The following PDGFD variants were observed in gnomAD, a reference collection of about 807,000 sequenced individuals.
The protein encoded by PDGFD is platelet derived growth factor D.
PDGFD carries 30 observed loss-of-function variants against 44.7 expected under a neutral mutation model. The ratio of observed to expected loss-of-function variants is 0.67; its 90% CI spans 0.50 to 0.91. The LOEUF (loss-of-function observed/expected upper bound fraction) is 0.91. Among genes scored for constraint, PDGFD ranks in the 40% least tolerant of loss-of-function variants. The pLI, the probability that PDGFD is intolerant of heterozygous loss-of-function variation, is 0.00. For missense variants in PDGFD, 445 were observed against 457.8 expected, an observed-to-expected ratio of 0.97 and a Z score of 0.25; for synonymous variants, 173 against 168.4, an observed-to-expected ratio of 1.03 and a Z score of -0.21.
chr11:104,058,463 T>C (rs1172939845), intron 1 of PDGFD, among the ~76,000 whole-genome samples: 3 of 152,020 alleles, frequency 2.0e-5, no homozygotes, highest in African/African-American at 7.2e-5. Context: ...ACACATCCAC[T>C]AAAAAGACTA....
At chr11:103,986,742 G>A (rs985170810) in intron 3 of PDGFD, among the ~76,000 whole-genome samples, 3 of 152,250 alleles carry the variant, frequency 2.0e-5, no homozygotes, top group Admixed American at 6.5e-5. Context: ...TTCCTGACTG[G>A]GGACTAAACT....
rs114202547 is a variant in PDGFD, at chr11:104,043,294, C to A, written c.125-43039G>T. On this transcript the variant is annotated intron_variant, in intron 1 of 6. Transcript: ENST00000393158. ...TTAGGTGATGGATTTCTTCACGCAG[C>A]CACCAACTTCTGGTGCTAAACTGGT... Among the ~76,000 whole-genome samples, 1,331 of 152,272 alleles carry A rather than the reference C, an allele frequency of 8.7e-3. 23 individuals are homozygous for A. Among genetic ancestry groups the A allele is most frequent in the African/African-American group, 0.03 (1,267 of 41,558 alleles).
chr11:104,111,060 G>A (rs1861547423), intron 1 of PDGFD, among the ~76,000 whole-genome samples: 4 of 151,924 alleles, frequency 2.6e-5, no homozygotes, highest in Admixed American at 1.3e-4. Flanking sequence ...TTATGTAAAA[G>A]TAAAAGAATT....
chr11:104,123,212 C>G (rs1861801520), intron 1 of PDGFD, among the ~76,000 whole-genome samples: 1 of 151,994 alleles, frequency 6.6e-6, no homozygotes, highest in Non-Finnish European at 1.5e-5. Flanking sequence ...TTAAAAGCTT[C>G]GACCATAACA....
At chr11:104,099,571 G>A (rs1222922341) in intron 1 of PDGFD, among the ~76,000 whole-genome samples, 1 of 151,450 alleles carries the variant, frequency 6.6e-6, no homozygotes, top group Non-Finnish European at 1.5e-5. Flanking sequence ...GGCAGAGGTG[G>A]CAGTGAGCCC....
chr11:103,965,704 C>T (rs116137610), intron 3 of PDGFD, among the ~76,000 whole-genome samples: 1,981 of 152,248 alleles, frequency 0.013, 46 homozygotes, highest in African/African-American at 0.043. Flanking sequence ...ACATACTGAC[C>T]ATGGTAGACT....
At chr11:103,954,936 G>A (rs577151396) in intron 3 of PDGFD, among the ~76,000 whole-genome samples, 12 of 151,548 alleles carry the variant, frequency 7.9e-5, no homozygotes, top group African/African-American at 2.4e-4. Flanking sequence ...AGGCCGAGGC[G>A]GGCGGATCAC....
intron 3 of PDGFD, among the ~76,000 whole-genome samples, chr11:103,983,816 C>T (rs937329379): frequency 1.3e-5 from 2 of 149,310 alleles, no homozygotes; most frequent in Admixed American, 6.7e-5. Context: ...CATGAAAAAA[C>T]CGATCATTAG....
At chr11:104,105,458 AT>A (rs1161999065) in intron 1 of PDGFD, among the ~76,000 whole-genome samples, 1 of 152,218 alleles carries the variant, frequency 6.6e-6, no homozygotes, top group Non-Finnish European at 1.5e-5. Context: ...AGAAAAAAAA[AT>A]AAACCATGTT....
chr11:104,114,356 C>T (rs980420284), intron 1 of PDGFD, among the ~76,000 whole-genome samples: 9 of 151,952 alleles, frequency 5.9e-5, no homozygotes, highest in African/African-American at 2.2e-4. Context: ...AAAAGACTCT[C>T]TTCTCTCCAT....
intron 3 of PDGFD, among the ~76,000 whole-genome samples, chr11:103,957,545 C>G (rs1394162574): frequency 6.6e-6 from 1 of 152,036 alleles, no homozygotes; most frequent in Non-Finnish European, 1.5e-5. Flanking sequence ...CAGAACAGAG[C>G]CCTCAGAAAT....
At chr11:104,076,338 TTTA>T (rs1860957887) in intron 1 of PDGFD, among the ~76,000 whole-genome samples, 4 of 152,130 alleles carry the variant, frequency 2.6e-5, no homozygotes, top group Admixed American at 2.6e-4. Context: ...CCCAGGGTTG[TTTA>T]TTATTAGTAG....
intron 1 of PDGFD, among the ~76,000 whole-genome samples, chr11:104,057,949 C>T (rs1343701798): frequency 6.6e-6 from 1 of 152,088 alleles, no homozygotes; most frequent in East Asian, 1.9e-4. Context: ...TGTGCTAGAA[C>T]AACAGAGAAT....
chr11:104,149,851 T>C (rs1862217177), intron 1 of PDGFD, among the ~76,000 whole-genome samples: 1 of 152,164 alleles, frequency 6.6e-6, no homozygotes, highest in African/African-American at 2.4e-5. Flanking sequence ...AATTGATTTT[T>C]TTTTTCTCAT....
intron 1 of PDGFD, among the ~76,000 whole-genome samples, chr11:104,014,355 G>T (rs1859829107): frequency 2.0e-5 from 3 of 152,148 alleles, no homozygotes. Flanking sequence ...GATTAGCTGG[G>T]TGTGGTGGCA....
chr11:104,044,669 C>T (rs897594487), intron 1 of PDGFD, among the ~76,000 whole-genome samples: 1 of 152,150 alleles, frequency 6.6e-6, no homozygotes, highest in African/African-American at 2.4e-5. Flanking sequence ...GCCAGTGGTT[C>T]CACTCCAAGG....
At chr11:104,137,369 GA>G (rs374185949) in intron 1 of PDGFD, among the ~76,000 whole-genome samples, 1,624 of 136,566 alleles carry the variant, frequency 0.012, 31 homozygotes, top group African/African-American at 0.04. Context: ...GACTTAAACA[GA>G]AAAAAAAAAA....
chr11:104,156,840 C>A (rs370397014), intron 1 of PDGFD, among the ~76,000 whole-genome samples: 8 of 152,294 alleles, frequency 5.3e-5, no homozygotes, highest in African/African-American at 1.9e-4. Flanking sequence ...CTTTGCTGTC[C>A]TGTGGGCTTC....
At chr11:104,044,360 G>A (rs996875277) in intron 1 of PDGFD, among the ~76,000 whole-genome samples, 1 of 151,982 alleles carries the variant, frequency 6.6e-6, no homozygotes, top group Non-Finnish European at 1.5e-5. Flanking sequence ...TTTATGTGAA[G>A]GACAGCATCT....
Sources: allele counts gnomAD v4.1 joint callset (sites outside exome capture counted in the v4.1 genomes callset), GRCh38; gene constraint gnomAD v4.1.1; transcripts MANE v1.5; gene names NCBI Gene and HGNC (gene_info 2026-07-23, HGNC 2026-07-21).